PID1: variants seen among roughly 807,000 people sequenced by gnomAD.
PID1 encodes PTB-containing, cubilin and LRP1-interacting protein.
Under a neutral mutation model 19.1 loss-of-function variants are expected in PID1, and 10 were observed. The ratio of observed to expected loss-of-function variants is 0.52; its 90% CI spans 0.32 to 0.89. The LOEUF (loss-of-function observed/expected upper bound fraction) is 0.89. PID1 is among the 40% of genes least tolerant of loss of function. PID1 has a pLI of 0.03. For missense variants in PID1, 248 were observed against 285.3 expected (o/e 0.87, Z 0.94); for synonymous variants, 130 against 116.0 (o/e 1.12, Z -0.78).
Position 229,127,216 on chromosome 2 carries a change from C to T in PID1, c.177+28602G>A, listed in dbSNP as rs140050248. On this transcript the variant is annotated intron_variant, in intron 2 of 2. Transcript: ENST00000392055. ...AAAGGGGAAAGAATTTGGGGACTCC[C>T]CCTCTCTCTTGCTGGCTGGGACATA... 1.7e-3 allele frequency among the ~76,000 whole-genome samples: 263 copies of T among 152,318 alleles called. 2 individuals carry two copies. Among genetic ancestry groups the T allele is most frequent in the African/African-American group, 5.9e-3 (247 of 41,574 alleles).
intron 1 of PID1, among the ~76,000 whole-genome samples, chr2:229,269,427 C>T (rs551978283): frequency 1.1e-4 from 17 of 152,266 alleles, no homozygotes; most frequent in African/African-American, 3.9e-4. Context: ...TGAAACAGGC[C>T]GGTAGGAAGA....
chr2:229,154,239 C>T lies in PID1; in HGVS notation c.177+1579G>A, dbSNP rs543048426. 3.2e-4 allele frequency among the ~76,000 whole-genome samples: 48 copies of T among 152,178 alleles called. 1 individual carries two copies. The South Asian group carries it at 8.3e-3, about 26-fold the overall frequency. ...TAATTAGAATGAAACCTAAACTTCTCGCCATGACCACAAGACTCTTTTCCC... is the reference window on the plus strand; with the variant it reads ...TAATTAGAATGAAACCTAAACTTCTTGCCATGACCACAAGACTCTTTTCCC... On this transcript the variant is annotated intron_variant, in intron 2 of 2. Transcript: ENST00000392055.
chr2:229,242,444 G>A (rs200772660), intron 1 of PID1, among the ~76,000 whole-genome samples: 1 of 151,890 alleles, frequency 6.6e-6, no homozygotes, highest in African/African-American at 2.4e-5. Flanking sequence ...ATGCTGCTTC[G>A]ACTGGTAAAA....
intron 2 of PID1, among the ~76,000 whole-genome samples, chr2:229,134,471 T>C (rs1425230571): frequency 6.6e-6 from 1 of 151,738 alleles, no homozygotes; most frequent in East Asian, 1.9e-4. Context: ...CTCGAACTCC[T>C]GACCTCATGA....
intron 2 of PID1, among the ~76,000 whole-genome samples, chr2:229,067,571 G>T (rs1466333615): frequency 1.3e-5 from 2 of 152,002 alleles, no homozygotes; most frequent in Admixed American, 1.3e-4. Flanking sequence ...CTGGAGGATG[G>T]CCATGCTGTT....
chr2:229,209,689 C>T (rs1294993814), intron 1 of PID1, among the ~76,000 whole-genome samples: 1 of 152,180 alleles, frequency 6.6e-6, no homozygotes, highest in Non-Finnish European at 1.5e-5. Context: ...AATCCTCTGG[C>T]TTTGAAAAAT....
At chr2:229,162,234 C>A (rs146334498) in intron 1 of PID1, among the ~76,000 whole-genome samples, 61 of 152,300 alleles carry the variant, frequency 4.0e-4, no homozygotes, top group African/African-American at 1.3e-3. Flanking sequence ...GGGGTAATCG[C>A]CATGCCCTGT....
intron 2 of PID1, among the ~76,000 whole-genome samples, chr2:229,085,868 C>T (rs1483643697): frequency 6.6e-6 from 1 of 152,002 alleles, no homozygotes. Context: ...AGGAAGCATT[C>T]AAGAGACAGC....
At chr2:229,080,242 T>G (rs547814224) in intron 2 of PID1, among the ~76,000 whole-genome samples, 1 of 152,340 alleles carries the variant, frequency 6.6e-6, no homozygotes, top group South Asian at 2.1e-4. Context: ...CACTGTCTTC[T>G]GGACAAAGTT....
intron 1 of PID1, among the ~76,000 whole-genome samples, chr2:229,217,719 A>G (rs533597733): frequency 1.3e-5 from 2 of 152,238 alleles, no homozygotes; most frequent in African/African-American, 2.4e-5. Context: ...CAAGTTCCTC[A>G]TGGTAAAAAG....
chr2:229,029,175 G>A (rs938545728), intron 2 of PID1, among the ~76,000 whole-genome samples: 6 of 151,144 alleles, frequency 4.0e-5, no homozygotes, highest in African/African-American at 4.9e-5. Context: ...TCGGCAACAC[G>A]CAATTTACCC....
At chr2:229,132,974 T>C (rs1689776092) in intron 2 of PID1, among the ~76,000 whole-genome samples, 1 of 152,150 alleles carries the variant, frequency 6.6e-6, no homozygotes, top group East Asian at 1.9e-4. Context: ...CAATGCTTTG[T>C]GCTTTAATTT....
chr2:229,148,034 T>C (rs1489234921), intron 2 of PID1, among the ~76,000 whole-genome samples: 1 of 152,192 alleles, frequency 6.6e-6, no homozygotes, highest in Non-Finnish European at 1.5e-5. Flanking sequence ...TCAACAGCAT[T>C]AAGCAAGGGC....
In PID1 at chr2:229,025,260, G is replaced by T. The variant is rs1470630355; in HGVS notation, c.*372C>A. 1 of 201,322 alleles carries T rather than the reference G, an allele frequency of 5.0e-6. No homozygotes were observed. Among genetic ancestry groups the T allele is most frequent in the Non-Finnish European group, 1.0e-5 (1 of 96,708 alleles). The allele number at this position is 201,322 out of a possible 1,614,324, so 12.5% of individuals were successfully genotyped here. A position where few individuals can be genotyped will look rare whatever the true frequency, so the allele number is the denominator to read the frequency against. ...CATAGGTGCCCCTAACATTCTTGTG[G>T]AATTTCATAAGGCAGATCGGAATGG... is the stretch of plus-strand genomic sequence containing the variant. On this transcript the variant is annotated 3_prime_UTR_variant, in exon 3 of 3. Coordinates refer to ENST00000392055, the MANE Select transcript of PID1 (RefSeq NM_001100818.2).
intron 1 of PID1, among the ~76,000 whole-genome samples, chr2:229,163,182 T>G (rs1346757974): frequency 6.6e-6 from 1 of 152,154 alleles, no homozygotes; most frequent in Non-Finnish European, 1.5e-5. Context: ...ATAGGTCAAA[T>G]AATCTCCAAA....
intron 2 of PID1, among the ~76,000 whole-genome samples, chr2:229,053,726 A>G (rs1559211694): frequency 6.6e-6 from 1 of 152,214 alleles, no homozygotes; most frequent in Non-Finnish European, 1.5e-5. Flanking sequence ...TTTGTGGTTT[A>G]TAGTTACTCG....
At chr2:229,157,688 C>T (rs916222069) in intron 1 of PID1, among the ~76,000 whole-genome samples, 3 of 152,108 alleles carry the variant, frequency 2.0e-5, no homozygotes, top group Admixed American at 6.5e-5. Context: ...AGCAGGGGCA[C>T]GCACAGCCCC....
chr2:229,025,893 G>A lies in PID1; in HGVS notation c.393C>T (p.Ala131=). 6.2e-7 allele frequency: 1 copy of A among 1,614,208 alleles called. No individual in the cohort carries two copies. Among genetic ancestry groups the A allele is most frequent in the East Asian group, 2.2e-5 (1 of 44,880 alleles). ...GGTCGGCGGTGCAGTAGGCGATGCG[G>A]GCCACCTGGAAGGTATCCATGTGCA... The part of the protein sequence containing the change: ...ATVHMDTFQV[A]RIAYCTADHN... Residue 131 remains alanine, a synonymous_variant, in exon 3 of 3, where the codon GCC becomes GCT. Coordinates refer to ENST00000392055, the MANE Select transcript of PID1 (RefSeq NM_001100818.2).
At chr2:229,190,983 A>G (rs1341588654) in intron 1 of PID1, among the ~76,000 whole-genome samples, 2 of 152,222 alleles carry the variant, frequency 1.3e-5, no homozygotes, top group African/African-American at 4.8e-5. Flanking sequence ...GAAGCACATT[A>G]ACATTTCATT....
Sources: allele counts gnomAD v4.1 joint callset (sites outside exome capture counted in the v4.1 genomes callset), GRCh38; gene constraint gnomAD v4.1.1; transcripts MANE v1.5; gene names NCBI Gene and HGNC (gene_info 2026-07-23, HGNC 2026-07-21).